Variants in DOK6 observed in about 807,000 individuals in gnomAD.
DOK6 encodes docking protein 6, also known as downstream of tyrosine kinase 6.
In DOK6, 22 loss-of-function variants were observed where a neutral mutation model predicts 44.0. That is an observed-to-expected ratio of 0.50 (90% CI 0.36 to 0.71). DOK6 has a LOEUF of 0.71. Ranked by LOEUF, DOK6 falls within the 30% of genes least tolerant of loss-of-function variation. The pLI is 0.00. For synonymous variants in DOK6, 166 were observed against 145.5 expected (o/e 1.14, Z -1.01); for missense variants, 340 against 416.4 (o/e 0.82, Z 1.60).
At chr18:69,719,472 T>G (rs1599284400) in intron 5 of DOK6, among the ~76,000 whole-genome samples, 2 of 152,196 alleles carry the variant, frequency 1.3e-5, no homozygotes, top group East Asian at 3.8e-4. Context: ...GTTACAGATC[T>G]TGTGACCTTT....
At position 69,657,983 on chromosome 18, in the gene DOK6, C is replaced by T. The variant is rs185861795; in HGVS notation, c.290-19751C>T. Among the ~76,000 whole-genome samples the T allele has an allele frequency of 1.9e-3, 283 of 152,008 alleles. 1 individual carries two copies. The highest frequency in any genetic ancestry group is 6.5e-3 in the African/African-American group (268 of 41,466). On this transcript the variant is annotated intron_variant, in intron 3 of 7. Coordinates refer to ENST00000382713, the MANE Select transcript of DOK6 (RefSeq NM_152721.6). The stretch of plus-strand genomic sequence containing the variant: ...TTTGTTTGCTTTTGAGAGGGGTCTC[C>T]CTCTATTGCCCAGGCTGGAATGCAG...
At chr18:69,411,084 A>T (rs1039948265) in intron 1 of DOK6, among the ~76,000 whole-genome samples, 2 of 152,170 alleles carry the variant, frequency 1.3e-5, no homozygotes, top group South Asian at 2.1e-4. Flanking sequence ...ATACCTCTCG[A>T]GTTCATGCAG....
chr18:69,726,671 G>A (rs35279278), intron 5 of DOK6, among the ~76,000 whole-genome samples: 22,480 of 151,286 alleles, frequency 0.15, 1,791 homozygotes, highest in Middle Eastern at 0.22. Context: ...GTGTGTGTGT[G>A]TATATATACA....
chr18:69,779,868 T>C (rs1486014806), intron 7 of DOK6, among the ~76,000 whole-genome samples: 1 of 152,048 alleles, frequency 6.6e-6, no homozygotes, highest in Non-Finnish European at 1.5e-5. Flanking sequence ...GGACTTACCC[T>C]TTTCTATCCT....
At chr18:69,430,971 AAAG>A (rs369058800) in intron 1 of DOK6, among the ~76,000 whole-genome samples, 9 of 152,268 alleles carry the variant, frequency 5.9e-5, no homozygotes, top group African/African-American at 1.4e-4. Flanking sequence ...TCTCAAAATA[AAAG>A]AAGATTACTA....
intron 1 of DOK6, among the ~76,000 whole-genome samples, chr18:69,465,756 G>A (rs986646874): frequency 1.8e-4 from 27 of 151,724 alleles, no homozygotes; most frequent in African/African-American, 5.3e-4. Context: ...GAATAGTGCC[G>A]CAATAAACAT....
At chr18:69,410,648 C>A (rs747854354) in intron 1 of DOK6, among the ~76,000 whole-genome samples, 88 of 152,324 alleles carry the variant, frequency 5.8e-4, no homozygotes, top group Non-Finnish European at 9.1e-4. Context: ...TAAATCCTTT[C>A]TGAGGACTTT....
intron 2 of DOK6, among the ~76,000 whole-genome samples, chr18:69,593,911 T>A (rs549051009): frequency 6.6e-6 from 1 of 152,336 alleles, no homozygotes; most frequent in African/African-American, 2.4e-5. Context: ...AAGCCACACA[T>A]AATTTTCATT....
At chr18:69,698,276 A>T in intron 4 of DOK6, 128 bp from the exon 5 acceptor site, 1 of 745,044 alleles carries the variant, frequency 1.3e-6, no homozygotes, top group Non-Finnish European at 2.1e-6. Context: ...TACAATGTTT[A>T]TCCATATCAC....
chr18:69,506,659 A>G (rs1212363635), intron 1 of DOK6, among the ~76,000 whole-genome samples: 1 of 152,162 alleles, frequency 6.6e-6, no homozygotes, highest in African/African-American at 2.4e-5. Flanking sequence ...CTGTTGAAGT[A>G]TATGTGAGCC....
At chr18:69,708,865 G>T (rs922772466) in intron 5 of DOK6, among the ~76,000 whole-genome samples, 5 of 151,698 alleles carry the variant, frequency 3.3e-5, no homozygotes, top group African/African-American at 1.2e-4. Flanking sequence ...ATTAAATTCG[G>T]CAAACACCTA....
intron 1 of DOK6, among the ~76,000 whole-genome samples, chr18:69,519,833 A>G (rs1280851135): frequency 6.6e-6 from 1 of 151,934 alleles, no homozygotes; most frequent in Non-Finnish European, 1.5e-5. Flanking sequence ...AATGGCATTA[A>G]TACTCATAAC....
chr18:69,429,757 T>G (rs1325115528), intron 1 of DOK6, among the ~76,000 whole-genome samples: 2 of 151,090 alleles, frequency 1.3e-5, no homozygotes, highest in Non-Finnish European at 3.0e-5. Context: ...CTCACAGTTG[T>G]AATTTCTAAG....
rs759197431 is a variant in DOK6, at chr18:69,647,073, C to CTATCTGTCTATCCTATCT, written c.290-30661_290-30660insTATCTGTCTATCCTATCT. 2.4e-5 allele frequency among the ~76,000 whole-genome samples: 3 copies of CTATCTGTCTATCCTATCT among 123,068 alleles called. No homozygotes were observed. In the East Asian group the frequency reaches 6.5e-4, roughly 27 times the overall value. 80.7% of individuals were successfully genotyped at this position (123,068 alleles called of 152,430 possible). A position where few individuals can be genotyped will look rare whatever the true frequency, so the allele number is the denominator to read the frequency against. On this transcript the variant is annotated intron_variant, in intron 3 of 7. Transcript: ENST00000382713. ...ATCTGTCTATCCTATCTGTCTATCCCATCTGTCTATCCTATCTGTCTATCC... is the reference window on the plus strand; with the variant it reads ...ATCTGTCTATCCTATCTGTCTATCCCTATCTGTCTATCCTATCTATCTGTCTATCCTATCTGTCTATCC...
intron 4 of DOK6, 48 bp downstream of exon 4, chr18:69,677,901 T>A: frequency 6.3e-7 from 1 of 1,580,938 alleles, no homozygotes; most frequent in South Asian, 1.1e-5. Context: ...CTTGTAATTG[T>A]AGAACTTTGA....
intron 3 of DOK6, among the ~76,000 whole-genome samples, chr18:69,617,374 T>C (rs1031318289): frequency 1.4e-5 from 2 of 140,180 alleles, no homozygotes; most frequent in African/African-American, 2.7e-5. Context: ...GACTGAGCGA[T>C]AGGAGAAAAA....
At chr18:69,736,812 C>T (rs1166567963) in intron 5 of DOK6, among the ~76,000 whole-genome samples, 2 of 152,168 alleles carry the variant, frequency 1.3e-5, no homozygotes, top group Non-Finnish European at 2.9e-5. Context: ...TCTCATGTGT[C>T]ATCTCCCACT....
intron 7 of DOK6, among the ~76,000 whole-genome samples, chr18:69,795,896 C>T (rs1002932769): frequency 9.2e-5 from 14 of 152,204 alleles, no homozygotes; most frequent in African/African-American, 3.1e-4. Flanking sequence ...AGTAATCAAA[C>T]TGTGGAAAGC....
At chr18:69,805,915 A>G (rs1981039656) in intron 7 of DOK6, among the ~76,000 whole-genome samples, 1 of 151,970 alleles carries the variant, frequency 6.6e-6, no homozygotes, top group South Asian at 2.1e-4. Context: ...AAAGTCTATT[A>G]TAATAATTTA....
Sources: allele counts gnomAD v4.1 joint callset (sites outside exome capture counted in the v4.1 genomes callset), GRCh38; gene constraint gnomAD v4.1.1; transcripts MANE v1.5; gene names NCBI Gene and HGNC (gene_info 2026-07-23, HGNC 2026-07-21).